Variants in LAMB4 observed in about 807,000 individuals in gnomAD.
The protein encoded by LAMB4 is laminin subunit beta 4.
Under a neutral mutation model 199.2 loss-of-function variants are expected in LAMB4, and 196 were observed. The ratio of observed to expected loss-of-function variants is 0.98; its 90% CI spans 0.88 to 1.11. The LOEUF (loss-of-function observed/expected upper bound fraction) is 1.11, where lower values mean the gene tolerates loss of function less well. Ranked by LOEUF, LAMB4 falls within the 50% of genes least tolerant of loss-of-function variation. The pLI is 0.00. For missense variants in LAMB4, 2,080 were observed against 2,171.2 expected (o/e 0.96, Z 0.83); for synonymous variants, 744 against 770.6 (o/e 0.97, Z 0.57).
chr7:108,092,440 G>A (rs1563084954), intron 12 of LAMB4, 24 bp from the exon 13 acceptor site: 2 of 1,573,798 alleles, frequency 1.3e-6, no homozygotes. Context: ...ATGCTCAGCT[G>A]ATTCCAGCTA....
In LAMB4 at chr7:108,066,366, T is replaced by C. The variant is rs1265108145; in HGVS notation, c.2678+3A>G. The C allele has an allele frequency of 1.2e-6, 2 of 1,608,730 alleles. No homozygotes were observed. The highest frequency in any genetic ancestry group is 1.7e-6 in the Non-Finnish European group (2 of 1,175,244). On this transcript the variant is annotated splice_donor_region_variant and intron_variant, in intron 20 of 33. Coordinates refer to ENST00000388781, the MANE Select transcript of LAMB4 (RefSeq NM_007356.3). ...AAAATTAAAGTGCATATGAATTCCA[T>C]ACCTTTCACAGTTTCTGCCAGTTGT...
At chr7:108,111,215 C>T (rs1452285619) in intron 4 of LAMB4, among the ~76,000 whole-genome samples, 3 of 152,166 alleles carry the variant, frequency 2.0e-5, no homozygotes, top group Admixed American at 6.5e-5. Context: ...GATCCCTGAT[C>T]AAGTCCACAT....
chr7:108,090,987 G>A (rs1269233172), intron 14 of LAMB4, among the ~76,000 whole-genome samples: 3 of 152,110 alleles, frequency 2.0e-5, no homozygotes, highest in Non-Finnish European at 4.4e-5. Flanking sequence ...GAATGACTCG[G>A]TTCCTGGAAC....
In LAMB4 at chr7:108,108,425, C is replaced by T. The variant is rs557711122; in HGVS notation, c.403-606G>A. Among the ~76,000 whole-genome samples, 328 of 152,252 alleles carry T rather than the reference C, an allele frequency of 2.2e-3. 3 individuals are homozygous for T. Among genetic ancestry groups the T allele is most frequent in the Non-Finnish European group, 3.0e-3 (207 of 68,012 alleles). ...TATTTTACAGCAATTTGTTGTGATT[C>T]TCTTTGCCAAGCATGCTTTTCCTCT... On this transcript the variant is annotated intron_variant, in intron 5 of 33. Transcript: ENST00000388781.
chr7:108,129,366 T>A (rs1584810464), intron 1 of LAMB4, among the ~76,000 whole-genome samples: 1 of 152,204 alleles, frequency 6.6e-6, no homozygotes, highest in East Asian at 1.9e-4. Context: ...CCCTTAAGAC[T>A]TTTTCTGGTA....
intron 2 of LAMB4, among the ~76,000 whole-genome samples, chr7:108,119,625 G>T: frequency 6.6e-6 from 1 of 152,172 alleles, no homozygotes; most frequent in African/African-American, 2.4e-5. Flanking sequence ...GGGGGAGGGA[G>T]GTGGATGTGG....
chr7:108,073,298 G>T lies in LAMB4; in HGVS notation c.2125-3413C>A, dbSNP rs906205783. Among the ~76,000 whole-genome samples, 3 of 152,198 alleles carry T rather than the reference G, an allele frequency of 2.0e-5. No individual in the cohort carries two copies. The South Asian group carries it at 6.2e-4, about 31-fold the overall frequency. ...TGGGATTACAGGCGTAAGCCACCGC[G>T]CCCGGCCAGCTATAGGATTTTGTAA... On this transcript the variant is annotated intron_variant, in intron 17 of 33. Transcript: ENST00000388781.
intron 21 of LAMB4, among the ~76,000 whole-genome samples, chr7:108,064,299 G>A (rs1355539612): frequency 6.6e-6 from 1 of 152,130 alleles, no homozygotes; most frequent in Non-Finnish European, 1.5e-5. Flanking sequence ...ACACTAGCGT[G>A]CCCCAGGACC....
rs770203727 is a variant in LAMB4, at chr7:108,069,853, C to A, written c.2157G>T (p.Glu719Asp). 34 of 1,613,472 alleles carry A rather than the reference C, an allele frequency of 2.1e-5. No individual in the cohort carries two copies. The South Asian group carries it at 3.3e-4, about 16-fold the overall frequency. Reference protein sequence around the residue: ...LGLIPQINSLENFCSKQDLDE... With the variant: ...LGLIPQINSLDNFCSKQDLDE... ...CTAAGTCCTGCTTGCTGCAGAAATT[C>A]TCCAATGAATTGATTTGGGGAATAA... The change falls in exon 18 of 34, where the codon GAG becomes GAT. Residue 719 changes from glutamate (E) to aspartate (D), a missense_variant. By Grantham distance (45) the Glu-to-Asp change is conservative. Transcript: ENST00000388781.
rs1337529064 is a variant in LAMB4, at chr7:108,062,925, T to C, written c.3131A>G (p.Asp1044Gly). The C allele has an allele frequency of 2.5e-6, 4 of 1,606,418 alleles. No homozygotes were observed. In the South Asian group the frequency reaches 4.5e-5, roughly 18 times the overall value. Residue 1044 changes from aspartate to glycine, a missense_variant, in exon 23 of 34, where the codon GAC (aspartate) becomes GGC (glycine). Physicochemically the swap from Asp to Gly is moderately conservative, Grantham distance 94 (BLOSUM62 -1). Coordinates refer to ENST00000388781, the MANE Select transcript of LAMB4 (RefSeq NM_007356.3). ...CPPGGGACLC[D>G]PVTGACPCLP... ...ACAAGGACATGCACCAGTGACAGGGTCACAGAGGCAAGCTCCCCCACCAGG... is the reference window on the plus strand; with the variant it reads ...ACAAGGACATGCACCAGTGACAGGGCCACAGAGGCAAGCTCCCCCACCAGG...
chr7:108,068,012 G>C lies in LAMB4; in HGVS notation c.2446+4C>G, dbSNP rs377734660. On this transcript the variant is annotated splice_donor_region_variant and intron_variant, in intron 19 of 33. Coordinates refer to ENST00000388781, the MANE Select transcript of LAMB4 (RefSeq NM_007356.3). ...TGTTTCCCCTTGTGTGTTTTGCTACGTACGGTGACAGCCGTGATGCCCCAA... is the reference window on the plus strand; with the variant it reads ...TGTTTCCCCTTGTGTGTTTTGCTACCTACGGTGACAGCCGTGATGCCCCAA... The C allele has an allele frequency of 2.1e-5, 34 of 1,613,968 alleles. No homozygotes were observed. In the Admixed American group the frequency reaches 2.2e-4, roughly 10 times the overall value.
At chr7:108,097,568 G>C (rs1406161637) in intron 11 of LAMB4, among the ~76,000 whole-genome samples, 1 of 152,104 alleles carries the variant, frequency 6.6e-6, no homozygotes, top group Non-Finnish European at 1.5e-5. Context: ...GGCGGATCAC[G>C]AGGTCAGGAG....
intron 33 of LAMB4, among the ~76,000 whole-genome samples, chr7:108,025,322 GA>G (rs1377904969): frequency 6.6e-6 from 1 of 152,014 alleles, no homozygotes; most frequent in Non-Finnish European, 1.5e-5. Flanking sequence ...GCTCAAAGAT[GA>G]AAGAGCTAAT....
intron 10 of LAMB4, among the ~76,000 whole-genome samples, chr7:108,100,354 T>A (rs920841508): frequency 7.9e-5 from 12 of 152,208 alleles, no homozygotes; most frequent in Non-Finnish European, 1.8e-4. Flanking sequence ...TGTAAATATT[T>A]AGGTTCAAAC....
intron 33 of LAMB4, 77 bp downstream of exon 33, chr7:108,028,966 T>G: frequency 7.5e-7 from 1 of 1,335,856 alleles, no homozygotes; most frequent in Non-Finnish European, 1.0e-6. Context: ...AAGCTGACAT[T>G]GGTATAAATT....
At chr7:108,032,684 C>CTGTGTGTT (rs1408699136) in intron 31 of LAMB4, among the ~76,000 whole-genome samples, 103 of 146,722 alleles carry the variant, frequency 7.0e-4, no homozygotes, top group African/African-American at 2.6e-3. Flanking sequence ...TCTACTGACT[C>CTGTGTGTT]TGTGTGTTTG....
At chr7:108,067,233 G>A (rs2036374569) in intron 19 of LAMB4, among the ~76,000 whole-genome samples, 1 of 152,210 alleles carries the variant, frequency 6.6e-6, no homozygotes, top group Non-Finnish European at 1.5e-5. Flanking sequence ...AGAAAGCAAT[G>A]ATGGATCCAA....
intron 32 of LAMB4, 33 bp downstream of exon 32, chr7:108,030,773 T>G: frequency 6.3e-7 from 1 of 1,598,316 alleles, no homozygotes; most frequent in East Asian, 2.2e-5. Context: ...GCCCTGCTTT[T>G]CTGCTCTTGG....
chr7:108,058,008 C>T, intron 23 of LAMB4, 80 bp from the exon 24 acceptor site: 1 of 954,444 alleles, frequency 1.0e-6, no homozygotes, highest in Non-Finnish European at 1.7e-6. Context: ...AATATTTTCC[C>T]CTCCAGTGAA....
Sources: gnomAD v4.1 joint callset for allele counts (sites outside exome capture counted in the v4.1 genomes callset) on GRCh38, gnomAD v4.1.1 for gene constraint, MANE v1.5 for transcripts, NCBI Gene and HGNC (gene_info 2026-07-23, HGNC 2026-07-21) for gene names.